The following NUP210L variants were observed in gnomAD, a reference collection of about 807,000 sequenced individuals.
The protein encoded by NUP210L is nucleoporin 210 like.
NUP210L carries 74 observed loss-of-function variants against 208.5 expected under a neutral mutation model. The ratio of observed to expected loss-of-function variants is 0.35; its 90% CI spans 0.29 to 0.43. The LOEUF is 0.43. Ranked by LOEUF, NUP210L falls within the 20% of genes least tolerant of loss-of-function variation. The pLI is 1.00. For synonymous variants in NUP210L, 780 were observed against 816.9 expected (o/e 0.95, Z 0.77); for missense variants, 1,843 against 2,289.4 (o/e 0.81, Z 3.98).
At chr1:154,110,733 G>A (rs1398552736) in intron 12 of NUP210L, among the ~76,000 whole-genome samples, 1 of 151,198 alleles carries the variant, frequency 6.6e-6, no homozygotes, top group African/African-American at 2.5e-5. Flanking sequence ...ACAAAAATCA[G>A]CTGGCGTGGT....
chr1:154,121,970 G>C (rs1211848420), intron 10 of NUP210L, among the ~76,000 whole-genome samples: 1 of 151,676 alleles, frequency 6.6e-6, no homozygotes, highest in Non-Finnish European at 1.5e-5. Flanking sequence ...ATAGAAAACA[G>C]ACAAATAGAG....
chr1:154,022,625 A>G (rs1651631191), intron 31 of NUP210L, among the ~76,000 whole-genome samples: 1 of 149,850 alleles, frequency 6.7e-6, no homozygotes, highest in South Asian at 2.1e-4. Context: ...GATTTAAGAT[A>G]TCCTGCATTT....
intron 38 of NUP210L, among the ~76,000 whole-genome samples, chr1:153,994,412 T>A (rs1404229876): frequency 6.6e-6 from 1 of 152,032 alleles, no homozygotes; most frequent in Non-Finnish European, 1.5e-5. Context: ...TCTCCCAGGT[T>A]CAAGCACTTC....
intron 27 of NUP210L, among the ~76,000 whole-genome samples, chr1:154,031,451 A>T (rs200063861): frequency 1.3e-5 from 2 of 152,138 alleles, no homozygotes; most frequent in East Asian, 3.8e-4. Flanking sequence ...GTGCTATCAT[A>T]TACTAGATCT....
At chr1:154,072,689 G>A (rs928777981) in intron 16 of NUP210L, among the ~76,000 whole-genome samples, 1 of 152,050 alleles carries the variant, frequency 6.6e-6, no homozygotes, top group Non-Finnish European at 1.5e-5. Context: ...CCTATTTAAC[G>A]AATGGTACTG....
At chr1:154,096,081 G>A (rs1268203136) in intron 14 of NUP210L, among the ~76,000 whole-genome samples, 1 of 152,098 alleles carries the variant, frequency 6.6e-6, no homozygotes, top group East Asian at 1.9e-4. Flanking sequence ...TTCTCCTAAT[G>A]CTATCCATTC....
chr1:154,138,741 C>A (rs1658684558), intron 5 of NUP210L, among the ~76,000 whole-genome samples: 1 of 152,062 alleles, frequency 6.6e-6, no homozygotes, highest in Non-Finnish European at 1.5e-5. Flanking sequence ...TTTTCCCAAA[C>A]CTATTTATGC....
intron 16 of NUP210L, among the ~76,000 whole-genome samples, chr1:154,077,427 C>T (rs950712945): frequency 6.6e-6 from 1 of 151,710 alleles, no homozygotes; most frequent in Admixed American, 6.6e-5. Context: ...GCCAACAATT[C>T]TATATTGGGC....
chr1:154,004,038 A>G (rs1392403966), intron 35 of NUP210L, among the ~76,000 whole-genome samples: 1 of 149,892 alleles, frequency 6.7e-6, no homozygotes, highest in Non-Finnish European at 1.5e-5. Context: ...TCATGCTTGC[A>G]TTATTGCCCC....
chr1:154,080,309 A>G (rs1267112049), intron 16 of NUP210L, among the ~76,000 whole-genome samples: 2 of 151,666 alleles, frequency 1.3e-5, no homozygotes, highest in African/African-American at 4.8e-5. Context: ...GCAGTGAACC[A>G]AGATCATGCC....
chr1:153,992,734 C>T, exon 40 of NUP210L: 1 of 747,824 alleles, frequency 1.3e-6, no homozygotes, highest in East Asian at 2.5e-5. Context: ...TTCTCAGAAG[C>T]CTTATCTGGA....
chr1:154,002,686 A>T (rs556048864), intron 35 of NUP210L, among the ~76,000 whole-genome samples: 55 of 152,114 alleles, frequency 3.6e-4, no homozygotes, highest in Admixed American at 1.1e-3. Context: ...GCTGGTCTCA[A>T]ACTCCTGGGC....
chr1:154,100,622 G>A (rs575358214), intron 13 of NUP210L, among the ~76,000 whole-genome samples: 8 of 144,296 alleles, frequency 5.5e-5, no homozygotes, highest in Non-Finnish European at 9.0e-5. Flanking sequence ...GGTTTCAAGC[G>A]ATTCTCCTGC....
intron 16 of NUP210L, among the ~76,000 whole-genome samples, chr1:154,076,499 AC>A (rs1165708877): frequency 6.6e-6 from 1 of 152,224 alleles, no homozygotes; most frequent in Non-Finnish European, 1.5e-5. Context: ...CACAGAGAAT[AC>A]CAATAAAGAG....
intron 17 of NUP210L, among the ~76,000 whole-genome samples, chr1:154,067,935 G>A (rs1478878217): frequency 1.3e-5 from 2 of 152,214 alleles, no homozygotes; most frequent in East Asian, 3.9e-4. Flanking sequence ...ACTGCTTAAC[G>A]AAATAAAAGA....
intron 10 of NUP210L, among the ~76,000 whole-genome samples, chr1:154,124,839 C>A (rs1009744053): frequency 6.6e-6 from 1 of 152,124 alleles, no homozygotes; most frequent in South Asian, 2.1e-4. Flanking sequence ...GTAGTCCCAG[C>A]TACTTGGAAG....
intron 15 of NUP210L, among the ~76,000 whole-genome samples, chr1:154,093,689 G>A (rs952214228): frequency 6.6e-6 from 1 of 152,180 alleles, no homozygotes; most frequent in Non-Finnish European, 1.5e-5. Context: ...TTCTTATCAA[G>A]TTAAAATCTT....
chr1:154,127,271 C>G (rs556275752), intron 9 of NUP210L, 40 bp downstream of exon 9: 13 of 947,844 alleles, frequency 1.4e-5, no homozygotes, highest in South Asian at 2.9e-5. Context: ...TGTATCTTAT[C>G]CCTACAAGGA....
intron 27 of NUP210L, among the ~76,000 whole-genome samples, chr1:154,042,351 C>T (rs1479704161): frequency 1.3e-5 from 2 of 151,992 alleles, no homozygotes; most frequent in Admixed American, 6.6e-5. Flanking sequence ...GATCCACTCA[C>T]CTTGGCCTCC....
Sources: allele counts gnomAD v4.1 joint callset (sites outside exome capture counted in the v4.1 genomes callset), GRCh38; gene constraint gnomAD v4.1.1; transcripts MANE v1.5; gene names NCBI Gene and HGNC (gene_info 2026-07-23, HGNC 2026-07-21).